Variants in GLIS3 observed in about 807,000 individuals in gnomAD.
The protein encoded by GLIS3 is zinc finger protein GLIS3.
A neutral mutation model predicts 78.6 loss-of-function variants in GLIS3; 53 were observed. That is an observed-to-expected ratio of 0.67 (90% CI 0.54 to 0.85). GLIS3 has a LOEUF of 0.85. Among genes scored for constraint, GLIS3 ranks in the 40% least tolerant of loss-of-function variants. The pLI is 0.00. For missense variants in GLIS3, 1,703 were observed against 1,231.1 expected (o/e 1.38, Z -5.74); for synonymous variants, 684 against 509.9 (o/e 1.34, Z -4.60).
the GLIS3 span, among the ~76,000 whole-genome samples, chr9:4,371,006 T>C: frequency 2.6e-5 from 4 of 152,236 alleles, no homozygotes; most frequent in East Asian, 7.7e-4. Context: ...AGCCCTCAAA[T>C]GTTAACAGTG....
intron 4 of GLIS3, among the ~76,000 whole-genome samples, chr9:3,952,588 G>T (rs1816772909): frequency 6.6e-6 from 1 of 152,148 alleles, no homozygotes; most frequent in South Asian, 2.1e-4. Flanking sequence ...CTTGCCAGGT[G>T]CTCCATGCGT....
At chr9:4,352,727 C>A (rs1161018143), upstream of GLIS3, among the ~76,000 whole-genome samples, 1 of 152,222 alleles carries the variant, frequency 6.6e-6, no homozygotes, top group Non-Finnish European at 1.5e-5. Flanking sequence ...GGCCCTTGTG[C>A]CTTTGTGCTG....
intron 4 of GLIS3, among the ~76,000 whole-genome samples, chr9:4,061,298 G>A (rs1043304438): frequency 1.4e-5 from 2 of 142,492 alleles, no homozygotes; most frequent in African/African-American, 2.7e-5. Flanking sequence ...TCCCACCTAT[G>A]AGTGAGAACA....
intron 8 of GLIS3, among the ~76,000 whole-genome samples, chr9:3,858,831 G>A (rs991968013): frequency 6.6e-6 from 1 of 152,124 alleles, no homozygotes; most frequent in African/African-American, 2.4e-5. Flanking sequence ...CCACTAAAAA[G>A]TCCAGCATAA....
chr9:4,090,864 T>C (rs972767621), intron 4 of GLIS3, among the ~76,000 whole-genome samples: 1 of 152,238 alleles, frequency 6.6e-6, no homozygotes. Flanking sequence ...CTGTACATTC[T>C]GCAAGAGAAG....
At chr9:4,439,410 C>A in the GLIS3 span, among the ~76,000 whole-genome samples, 1 of 152,156 alleles carries the variant, frequency 6.6e-6, no homozygotes, top group Non-Finnish European at 1.5e-5. Context: ...TTCCCCATTT[C>A]TCTTCTTCTC....
At chr9:4,468,970 C>A in the GLIS3 span, among the ~76,000 whole-genome samples, 2 of 151,678 alleles carry the variant, frequency 1.3e-5, no homozygotes, top group African/African-American at 2.4e-5. Flanking sequence ...AAGCAAAAAA[C>A]GCAGGATTTG....
chr9:4,075,181 T>A (rs1827941487), intron 4 of GLIS3, among the ~76,000 whole-genome samples: 1 of 151,908 alleles, frequency 6.6e-6, no homozygotes, highest in Admixed American at 6.6e-5. Flanking sequence ...CACGAGTGTA[T>A]GCATATGTCC....
chr9:4,026,703 T>A (rs1351418690), intron 4 of GLIS3, among the ~76,000 whole-genome samples: 2 of 152,230 alleles, frequency 1.3e-5, no homozygotes, highest in South Asian at 4.1e-4. Flanking sequence ...TCTTTAAGCA[T>A]ATTTATTGGA....
chr9:3,991,742 GT>G (rs1563926798), intron 4 of GLIS3, among the ~76,000 whole-genome samples: 1 of 131,728 alleles, frequency 7.6e-6, no homozygotes, highest in Non-Finnish European at 1.5e-5. Context: ...CCAGGCTGGA[GT>G]GCAGTGGTGG....
chr9:4,318,869 G>T (rs1817478234), intron 2 of GLIS3, among the ~76,000 whole-genome samples: 1 of 152,166 alleles, frequency 6.6e-6, no homozygotes, highest in South Asian at 2.1e-4. Flanking sequence ...ATTGCAAAGG[G>T]GGGAAGTTCC....
In GLIS3 at chr9:4,248,379, G is replaced by A. The variant is rs559977121; in HGVS notation, c.388+37659C>T. 8.5e-5 allele frequency among the ~76,000 whole-genome samples: 13 copies of A among 152,212 alleles called. No individual in the cohort carries two copies. In the East Asian group the frequency reaches 1.4e-3, roughly 16 times the overall value. On this transcript the variant is annotated intron_variant, in intron 2 of 10. Transcript: ENST00000381971. Reference sequence around the variant, plus strand: ...CTGTGTTGATTTGCTGAGAATGATCGTTTCCAGCTTCATCCATGTCCCTGT... The same window carrying A: ...CTGTGTTGATTTGCTGAGAATGATCATTTCCAGCTTCATCCATGTCCCTGT...
intron 9 of GLIS3, among the ~76,000 whole-genome samples, chr9:3,831,094 C>G (rs370227092): frequency 3.9e-5 from 6 of 152,142 alleles, no homozygotes; most frequent in African/African-American, 1.4e-4. Flanking sequence ...TAGTAGAAAA[C>G]AAAATAATAT....
At chr9:4,312,071 A>C (rs1222400596) in intron 2 of GLIS3, among the ~76,000 whole-genome samples, 1 of 152,240 alleles carries the variant, frequency 6.6e-6, no homozygotes, top group African/African-American at 2.4e-5. Flanking sequence ...CAATTTGTAC[A>C]ACAAACCCGC....
At chr9:3,937,585 CAACTAATA>C (rs1418481022) in intron 4 of GLIS3, among the ~76,000 whole-genome samples, 1 of 151,504 alleles carries the variant, frequency 6.6e-6, no homozygotes, top group Non-Finnish European at 1.5e-5. Flanking sequence ...AACTTTCTGA[CAACTAATA>C]AACTAATAAG....
the GLIS3 span, among the ~76,000 whole-genome samples, chr9:4,448,555 A>G: frequency 6.6e-6 from 1 of 152,212 alleles, no homozygotes; most frequent in East Asian, 1.9e-4. Flanking sequence ...CATTATAGAC[A>G]TTTACAGATA....
At chr9:4,353,042 A>G (rs60022499), upstream of GLIS3, among the ~76,000 whole-genome samples, 4,622 of 152,176 alleles carry the variant, frequency 0.03, 258 homozygotes, top group African/African-American at 0.11. Context: ...AGCTCTCTGG[A>G]AAGTTTTTTC....
intron 4 of GLIS3, among the ~76,000 whole-genome samples, chr9:4,105,257 G>A (rs946481774): frequency 1.2e-4 from 19 of 152,126 alleles, no homozygotes; most frequent in African/African-American, 4.6e-4. Flanking sequence ...TTAAGAATTT[G>A]AAATTATCCC....
At chr9:4,343,386 G>C (rs1253622632) in intron 2 of GLIS3, among the ~76,000 whole-genome samples, 1 of 152,134 alleles carries the variant, frequency 6.6e-6, no homozygotes, top group African/African-American at 2.4e-5. Context: ...ACACCAGTCA[G>C]AATGGCTATT....
Sources: gnomAD v4.1 joint callset for allele counts (sites outside exome capture counted in the v4.1 genomes callset) on GRCh38, gnomAD v4.1.1 for gene constraint, MANE v1.5 for transcripts, NCBI Gene and HGNC (gene_info 2026-07-23, HGNC 2026-07-21) for gene names.